Variants in ZNF544 observed in about 807,000 individuals in gnomAD.
ZNF544 encodes the protein zinc finger protein 544.
A neutral mutation model predicts 13.5 loss-of-function variants in ZNF544; 10 were observed. The ratio of observed to expected loss-of-function variants is 0.74; its 90% CI spans 0.46 to 1.25. The LOEUF (loss-of-function observed/expected upper bound fraction) is 1.25. Among genes scored for constraint, ZNF544 ranks in the 50% most tolerant of loss-of-function variants. The pLI, the probability that ZNF544 is intolerant of heterozygous loss-of-function variation, is 0.00. For missense variants in ZNF544, 896 were observed against 845.6 expected (o/e 1.06, Z -0.74); for synonymous variants, 323 against 300.5 (o/e 1.07, Z -0.77).
intron 5 of ZNF544, among the ~76,000 whole-genome samples, chr19:58,272,207 CTGTT>C (rs1441685936): frequency 1.4e-5 from 2 of 146,842 alleles, no homozygotes; most frequent in Admixed American, 6.8e-5. Context: ...TCAGACTTGT[CTGTT>C]TGGCCAGTTT....
chr19:58,274,948 A>T (rs2051103369), intron 5 of ZNF544, among the ~76,000 whole-genome samples: 2 of 152,110 alleles, frequency 1.3e-5, no homozygotes, highest in Admixed American at 1.3e-4. Flanking sequence ...GAAACCACAG[A>T]ATAACAAAAC....
At position 58,263,498 on chromosome 19, in the gene ZNF544, T is replaced by C. The variant is rs2049417703; in HGVS notation, c.*744T>C. On this transcript the variant is annotated 3_prime_UTR_variant, in exon 7 of 7. Coordinates refer to ENST00000687789, the MANE Select transcript of ZNF544 (RefSeq NM_014480.4). ...AGATGGGAAATTTCCCTGCCAGACC[T>C]TGTTTACTAGAAATCAGGTGGCCAA... The C allele has an allele frequency of 1.0e-6, 1 of 985,388 alleles. No individual in the cohort carries two copies. The highest frequency in any genetic ancestry group is 1.2e-6 in the Non-Finnish European group (1 of 829,942). The allele number at this position is 985,388 out of a possible 1,614,324, so 61.0% of individuals were successfully genotyped here. A position where few individuals can be genotyped will look rare whatever the true frequency, so the allele number is the denominator to read the frequency against.
downstream of ZNF544, among the ~76,000 whole-genome samples, chr19:58,268,883 A>G (rs2147844065): frequency 6.6e-6 from 1 of 152,352 alleles, no homozygotes; most frequent in East Asian, 1.9e-4. Context: ...GGGCCTAACA[A>G]AGACTTACTA....
intron 3 of ZNF544, among the ~76,000 whole-genome samples, chr19:58,239,395 C>T (rs879543214): frequency 2.0e-5 from 3 of 152,146 alleles, no homozygotes; most frequent in East Asian, 1.9e-4. Context: ...CCAATGTTCC[C>T]GGAAAGCAAA....
chr19:58,242,773 C>T (rs1048256424), intron 3 of ZNF544, among the ~76,000 whole-genome samples: 1 of 152,142 alleles, frequency 6.6e-6, no homozygotes, highest in African/African-American at 2.4e-5. Context: ...TCTCGGCTCA[C>T]TAAAACTTCC....
At position 58,276,060 on chromosome 19, in the gene ZNF544, C is replaced by G. The variant is rs182848715; in HGVS notation, c.245-263C>G. On this transcript the variant is annotated intron_variant, in intron 5 of 6. Transcript: ENST00000595981. ...AGTGTGGTGGCTCTCACCTGTGCTC[C>G]CAGCTACTCAGGAGGCTAAGGATGC... 3.7e-3 allele frequency among the ~76,000 whole-genome samples: 570 copies of G among 152,184 alleles called. 3 individuals carry two copies. The highest frequency in any genetic ancestry group is 0.012 in the African/African-American group (513 of 41,522).
At chr19:58,277,140 C>T (rs989426012) in intron 6 of ZNF544, 1 of 1,225,372 alleles carries the variant, frequency 8.2e-7, no homozygotes, top group South Asian at 4.1e-5. Flanking sequence ...ACCATGTCCT[C>T]TCATAATTTT....
chr19:58,262,121 T>A lies in ZNF544; in HGVS notation c.1515T>A (p.Tyr505Ter). Residue 505 changes from tyrosine (Y) to a stop codon, truncating the protein, a stop_gained, in exon 7 of 7, where the codon TAT becomes TAA. Transcript: ENST00000687789. LOFTEE classifies it low-confidence loss of function (END_TRUNC). Reference sequence around the variant, plus strand: ...GTGGGAAATCTTTCAGCCAGAAGTATGACCTTGTTGTACATCAGAGGACAC... The same window carrying A: ...GTGGGAAATCTTTCAGCCAGAAGTAAGACCTTGTTGTACATCAGAGGACAC... ...TQCGKSFSQK[Y>*]DLVVHQRTHT... 6.2e-7 allele frequency: 1 copy of A among 1,612,596 alleles called. No homozygotes were observed. Among genetic ancestry groups the A allele is most frequent in the African/African-American group, 1.3e-5 (1 of 74,394 alleles).
intron 5 of ZNF544, among the ~76,000 whole-genome samples, chr19:58,275,401 C>G (rs2051135497): frequency 6.6e-6 from 1 of 151,998 alleles, no homozygotes; most frequent in Non-Finnish European, 1.5e-5. Flanking sequence ...TAGTTTTGAA[C>G]CCACCGATCC....
chr19:58,241,180 T>TTTTAATATATATATATATATATATATATA (rs2043708125), intron 3 of ZNF544, among the ~76,000 whole-genome samples: 1 of 67,392 alleles, frequency 1.5e-5, no homozygotes, highest in Non-Finnish European at 2.6e-5. Flanking sequence ...TATATATATA[T>TTTTAATATATATATATATATATATATATA]TTTTTTTTTT....
chr19:58,260,591 A>C, intron 6 of ZNF544: 1 of 337,196 alleles, frequency 3.0e-6, no homozygotes. Context: ...CTCCCTGCTT[A>C]TTCTTATTCT....
intron 5 of ZNF544, among the ~76,000 whole-genome samples, chr19:58,271,874 A>G (rs1290222525): frequency 6.6e-6 from 1 of 152,028 alleles, no homozygotes; most frequent in African/African-American, 2.4e-5. Flanking sequence ...AAATCAAGCA[A>G]GAGCAGGCTG....
chr19:58,262,065 A>T lies in ZNF544; in HGVS notation c.1459A>T (p.Thr487Ser). Residue 487 changes from threonine (T) to serine (S), a missense_variant, in exon 7 of 7, where the codon ACT (threonine) becomes TCT (serine). Coordinates refer to ENST00000687789, the MANE Select transcript of ZNF544 (RefSeq NM_014480.4). ...GTTAGTTACACATAAAAGAACGCAC[A>T]CTGGAGAAAAACCCTTCAAATGTAC... is the stretch of plus-strand genomic sequence containing the variant. ...YELVTHKRTH[T>S]GEKPFKCTQC... 1.9e-6 allele frequency: 3 copies of T among 1,611,538 alleles called. No homozygotes were observed. The highest frequency in any genetic ancestry group is 2.5e-6 in the Non-Finnish European group (3 of 1,179,524).
intron 6 of ZNF544, among the ~76,000 whole-genome samples, chr19:58,248,386 C>A (rs988409272): frequency 7.3e-5 from 11 of 151,170 alleles, no homozygotes; most frequent in Non-Finnish European, 1.6e-4. Flanking sequence ...GCATGCACCA[C>A]CATGCCTGGC....
intron 6 of ZNF544, among the ~76,000 whole-genome samples, chr19:58,248,340 C>A (rs544974705): frequency 6.9e-6 from 1 of 144,688 alleles, no homozygotes; most frequent in Non-Finnish European, 1.5e-5. Context: ...TTAAGTGATC[C>A]TCCCACCTCT....
chr19:58,262,319 T>A lies in ZNF544; in HGVS notation c.1713T>A (p.Thr571=). Residue 571 remains threonine (T), a synonymous_variant, in exon 7 of 7, where the codon ACT becomes ACA. Transcript: ENST00000687789. Reference sequence around the variant, plus strand: ...TCGTCATACATCAGAGAATTCATACTGGAGAGAAACCGTACGATTGCACTC... The same window carrying A: ...TCGTCATACATCAGAGAATTCATACAGGAGAGAAACCGTACGATTGCACTC... ...SNLVIHQRIH[T]GEKPYDCTHC... The A allele has an allele frequency of 6.2e-7, 1 of 1,614,062 alleles. No homozygotes were observed. Among genetic ancestry groups the A allele is most frequent in the Non-Finnish European group, 8.5e-7 (1 of 1,180,012 alleles).
At chr19:58,246,868 G>T in intron 6 of ZNF544, 74 bp downstream of exon 6, 2 of 1,433,000 alleles carry the variant, frequency 1.4e-6, no homozygotes, top group Non-Finnish European at 1.9e-6. Flanking sequence ...AGGGCCCCAG[G>T]GGCCAAGGAG....
At chr19:58,260,542 A>C (rs2048689494) in intron 6 of ZNF544, 2 of 201,916 alleles carry the variant, frequency 9.9e-6, no homozygotes, top group Non-Finnish European at 2.0e-5. Flanking sequence ...AGCCTCCCAA[A>C]GTTCTGGGAT....
chr19:58,261,276 C>G lies in ZNF544; in HGVS notation c.670C>G (p.Gln224Glu). The G allele has an allele frequency of 6.2e-7, 1 of 1,614,134 alleles. No individual in the cohort carries two copies. Among genetic ancestry groups the G allele is most frequent in the Non-Finnish European group, 8.5e-7 (1 of 1,180,040 alleles). The change falls in exon 7 of 7, where the codon CAG becomes GAG. Residue 224 changes from glutamine (Q) to glutamate (E), a missense_variant. Gln to Glu is a conservative substitution (Grantham distance 29, BLOSUM62 2). Transcript: ENST00000687789. ...ESHQCARAFC[Q>E]SIYLSKLGNV... ...TCATCAGTGTGCTAGAGCTTTCTGTCAGAGTATTTACTTGAGTAAACTTGG... is the reference window on the plus strand; with the variant it reads ...TCATCAGTGTGCTAGAGCTTTCTGTGAGAGTATTTACTTGAGTAAACTTGG...
Sources: gnomAD v4.1 joint callset for allele counts (sites outside exome capture counted in the v4.1 genomes callset) on GRCh38, gnomAD v4.1.1 for gene constraint, MANE v1.5 for transcripts, NCBI Gene and HGNC (gene_info 2026-07-23, HGNC 2026-07-21) for gene names.